RFNG: variants seen among roughly 807,000 people sequenced by gnomAD.
The protein encoded by RFNG is beta-1,3-N-acetylglucosaminyltransferase radical fringe.
RFNG carries 37 observed loss-of-function variants against 29.6 expected under a neutral mutation model. That is an observed-to-expected ratio of 1.25 (90% CI 0.96 to 1.65). The LOEUF (loss-of-function observed/expected upper bound fraction) is 1.65, where lower values mean the gene tolerates loss of function less well. RFNG is among the 40% of genes most tolerant of loss of function. RFNG has a pLI of 0.00. For missense variants in RFNG, 546 were observed against 457.0 expected (o/e 1.19, Z -1.78); for synonymous variants, 276 against 197.3 (o/e 1.40, Z -3.34).
At position 82,049,345 on chromosome 17, in the gene RFNG, T is replaced by C. The variant is rs1223720341; in HGVS notation, c.829-229A>G. On this transcript the variant is annotated intron_variant, in intron 6 of 7. Transcript: ENST00000310496. ...GGATCTGAAACCTCCAGGGCAAAGCTGACCCTCATTCCCTCCCTGCTCCAC... is the reference window on the plus strand; with the variant it reads ...GGATCTGAAACCTCCAGGGCAAAGCCGACCCTCATTCCCTCCCTGCTCCAC... The C allele has an allele frequency of 7.1e-6, 5 of 699,558 alleles. No homozygotes were observed. The East Asian group carries it at 8.1e-5, about 11-fold the overall frequency. 43.3% of individuals were successfully genotyped at this position (699,558 alleles called of 1,614,324 possible). A position where few individuals can be genotyped will look rare whatever the true frequency, so the allele number is the denominator to read the frequency against.
chr17:82,050,692 T>C lies in RFNG; in HGVS notation c.389A>G (p.Glu130Gly), dbSNP rs750770009. 9.3e-6 allele frequency: 15 copies of C among 1,613,120 alleles called. No individual in the cohort carries two copies. In the South Asian group the frequency reaches 1.4e-4, roughly 15 times the overall value. ...CCCGGACTCAATGAACTTGTCATAC[T>C]CCACGGACATCTTGCAGCAGAGGGC... ...RQALCCKMSV[E>G]YDKFIESGRK... is the part of the protein sequence containing the mutation. The change falls in exon 3 of 8, where the codon GAG becomes GGG. Residue 130 changes from glutamate to glycine, a missense_variant. Glu to Gly is a moderately conservative substitution (Grantham distance 98). Coordinates refer to ENST00000310496, the MANE Select transcript of RFNG (RefSeq NM_002917.2).
intron 5 of RFNG, 34 bp downstream of exon 5, chr17:82,049,884 G>A (rs746006503): frequency 1.3e-5 from 21 of 1,611,002 alleles, no homozygotes; most frequent in African/African-American, 6.7e-5. Flanking sequence ...CTCAGCCTCC[G>A]CCTCCCAGCC....
Position 82,048,712 on chromosome 17 carries a change from C to A in RFNG, c.*14G>T. The A allele has an allele frequency of 1.2e-6, 2 of 1,609,088 alleles. No individual in the cohort carries two copies. The highest frequency in any genetic ancestry group is 2.2e-5 in the South Asian group (2 of 91,000). The stretch of plus-strand genomic sequence containing the variant: ...GGGACAGAGCCAGGCAGCCCTGGGT[C>A]GGGGTGGTTGGTGTCACCGAGAGGT... On this transcript the variant is annotated 3_prime_UTR_variant, in exon 8 of 8. Coordinates refer to ENST00000310496, the MANE Select transcript of RFNG (RefSeq NM_002917.2).
intron 6 of RFNG, chr17:82,049,362 C>T (rs1262360636): frequency 1.1e-5 from 8 of 698,752 alleles, no homozygotes; most frequent in African/African-American, 3.5e-5. Flanking sequence ...CATTCCCTCC[C>T]TGCTCCACGT....
intron 4 of RFNG, 178 bp downstream of exon 4, chr17:82,050,224 G>A (rs1484954654): frequency 2.4e-6 from 2 of 841,310 alleles, no homozygotes; most frequent in African/African-American, 1.7e-5. Flanking sequence ...TCTCTGCCCA[G>A]TACGGTGAGG....
chr17:82,048,339 G>A lies in RFNG; in HGVS notation c.*387C>T. 3.7e-6 allele frequency: 1 copy of A among 268,698 alleles called. No individual in the cohort carries two copies. Among genetic ancestry groups the A allele is most frequent in the Non-Finnish European group, 7.4e-6 (1 of 135,936 alleles). 16.6% of individuals were successfully genotyped at this position (268,698 alleles called of 1,614,324 possible). ...TGGCCGTGGCTGGGCCAGGACCTTGGCCTGGAGCCTGCTCCTTGACACCCA... is the reference window on the plus strand; with the variant it reads ...TGGCCGTGGCTGGGCCAGGACCTTGACCTGGAGCCTGCTCCTTGACACCCA... On this transcript the variant is annotated 3_prime_UTR_variant, in exon 8 of 8. Coordinates refer to ENST00000310496, the MANE Select transcript of RFNG (RefSeq NM_002917.2).
chr17:82,049,395 C>G (rs2144195461), intron 6 of RFNG: 1 of 699,204 alleles, frequency 1.4e-6, no homozygotes, highest in Non-Finnish European at 2.6e-6. Flanking sequence ...TCCGACTCAC[C>G]ATCACCATAC....
chr17:82,049,078 G>T lies in RFNG; in HGVS notation c.867C>A (p.Asn289Lys). 1.2e-6 allele frequency: 2 copies of T among 1,613,568 alleles called. No homozygotes were observed. Among genetic ancestry groups the T allele is most frequent in the South Asian group, 2.2e-5 (2 of 91,088 alleles). The change falls in exon 7 of 8, where the codon AAC becomes AAA. Residue 289 changes from asparagine to lysine, a missense_variant. By Grantham distance (94) the Asn-to-Lys change is moderately conservative. Transcript: ENST00000310496. The part of the protein sequence containing the change: ...LSHGGPENPH[N>K]VVNVAGGFSL... ...TGAAGCCTCCAGCCACGTTCACCAC[G>T]TTATGTGGGTTCTCAGGACCCCCAT...
At position 82,050,645 on chromosome 17, in the gene RFNG, G is replaced by A. The variant is rs771415010; in HGVS notation, c.419+17C>T. On this transcript the variant is annotated intron_variant, in intron 3 of 7. Coordinates refer to ENST00000310496, the MANE Select transcript of RFNG (RefSeq NM_002917.2). ...CTTGGCTCTGAGCTCTCTGCGGGTC[G>A]GGTCAGCGCCGCGTACTTGCGCCCG... 11 of 1,611,928 alleles carry A rather than the reference G, an allele frequency of 6.8e-6. No homozygotes were observed. In the African/African-American group the frequency reaches 1.1e-4, roughly 16 times the overall value.
At position 82,051,015 on chromosome 17, in the gene RFNG, G is replaced by A. The variant is rs866994883; in HGVS notation, c.317-251C>T. 2.5e-5 allele frequency: 35 copies of A among 1,403,892 alleles called. No individual in the cohort carries two copies. The African/African-American group carries it at 4.8e-4, about 19-fold the overall frequency. The allele number at this position is 1,403,892 out of a possible 1,614,324, so 87.0% of individuals were successfully genotyped here. A position where few individuals can be genotyped will look rare whatever the true frequency, so the allele number is the denominator to read the frequency against. On this transcript the variant is annotated intron_variant, in intron 2 of 7. Coordinates refer to ENST00000310496, the MANE Select transcript of RFNG (RefSeq NM_002917.2). This position sits in a 1 kb window ranked among gnomAD's most constrained non-coding sequence, Gnocchi z 4.1. ...GACGGAGGCAGCTCGCCCTGACCTGGCCTGGAAGGGCGGATTCCCTGCTGG... is the reference window on the plus strand; with the variant it reads ...GACGGAGGCAGCTCGCCCTGACCTGACCTGGAAGGGCGGATTCCCTGCTGG...
rs767226162 is a variant in RFNG, at chr17:82,049,946, G to A, written c.634C>T (p.Leu212Phe). Residue 212 changes from leucine (L) to phenylalanine (F), a missense_variant, in exon 5 of 8, where the codon CTT (leucine) becomes TTT (phenylalanine). Leu to Phe is a conservative substitution (Grantham distance 22). Transcript: ENST00000310496. ...GGAGFCLSRG[L>F]ALKMSPWASL... ...GCCCATGGGCTCATCTTGAGGGCAA[G>A]GCCTCTGCTGAGGCAGAACCCGGCC... The A allele has an allele frequency of 2.5e-6, 4 of 1,612,544 alleles. No individual in the cohort carries two copies. The highest frequency in any genetic ancestry group is 1.7e-5 in the Admixed American group (1 of 59,990).
chr17:82,049,517 T>C (rs757899531), intron 6 of RFNG, 160 bp downstream of exon 6: 278 of 833,178 alleles, frequency 3.3e-4, no homozygotes, highest in Non-Finnish European at 4.5e-4. Context: ...GAGGACCCTG[T>C]GTCCAACAGG....
In RFNG at chr17:82,051,074, C is replaced by A. The variant is rs2030477984; in HGVS notation, c.316+220G>T. On this transcript the variant is annotated intron_variant, in intron 2 of 7. Transcript: ENST00000310496. The surrounding 1 kb of genome is among the most constrained non-coding windows in gnomAD (Gnocchi z 4.1). ...CAGGGGACGTGGCACTAGCCCCACG[C>A]CCCGGGAAGCGGCTAGTGTGAGAGG... The A allele has an allele frequency of 1.5e-6, 2 of 1,369,312 alleles. No homozygotes were observed. The highest frequency in any genetic ancestry group is 2.7e-4 in the Middle Eastern group (1 of 3,696). 84.8% of individuals were successfully genotyped at this position (1,369,312 alleles called of 1,614,324 possible).
rs572483367 is a variant in RFNG at position 82,049,770 on chromosome 17, C to T, written c.735G>A (p.Glu245=). 19 of 1,526,880 alleles carry T rather than the reference C, an allele frequency of 1.2e-5. No individual in the cohort carries two copies. The South Asian group carries it at 2.2e-4, about 18-fold the overall frequency. 94.6% of individuals were successfully genotyped at this position (1,526,880 alleles called of 1,614,324 possible). Residue 245 remains glutamate (E), a synonymous_variant, in exon 6 of 8, where the codon GAG becomes GAA. Transcript: ENST00000310496. ...PDDCTVGYIV[E]GLLGARLLHS... is the part of the protein sequence containing the mutation. ...GCAGCAGGCGGGCGCCCAGGAGCCCCTCCACGATGTAGCCAACTGTGCAGT... is the reference window on the plus strand; with the variant it reads ...GCAGCAGGCGGGCGCCCAGGAGCCCTTCCACGATGTAGCCAACTGTGCAGT...
In RFNG at chr17:82,051,600, C is replaced by G. The variant is rs1209371800; in HGVS notation, c.167G>C (p.Arg56Pro). 6.3e-6 allele frequency: 8 copies of G among 1,276,794 alleles called. No individual in the cohort carries two copies. Among genetic ancestry groups the G allele is most frequent in the Non-Finnish European group, 7.9e-6 (8 of 1,009,994 alleles). The allele number at this position is 1,276,794 out of a possible 1,614,324, so 79.1% of individuals were successfully genotyped here. A position where few individuals can be genotyped will look rare whatever the true frequency, so the allele number is the denominator to read the frequency against. Residue 56 changes from arginine (R) to proline (P), a missense_variant, in exon 1 of 8, where the codon CGG (arginine) becomes CCG (proline). By Grantham distance (103) the Arg-to-Pro change is moderately radical (BLOSUM62 -2). Transcript: ENST00000310496. The surrounding 1 kb of genome is among the most constrained non-coding windows in gnomAD (Gnocchi z 4.1). Reference protein sequence around the residue: ...PPSRPAAPSLRPDDVFIAVKT... With the variant: ...PPSRPAAPSLPPDDVFIAVKT... ...GACGGCGATGAAGACGTCGTCAGGC[C>G]GCAGGCTGGGGGCAGCGGGCCGGGA...
chr17:82,051,250 C>A lies in RFNG; in HGVS notation c.316+44G>T. The A allele has an allele frequency of 1.5e-6, 2 of 1,334,444 alleles. No homozygotes were observed. The highest frequency in any genetic ancestry group is 1.9e-6 in the Non-Finnish European group (2 of 1,039,090). The allele number at this position is 1,334,444 out of a possible 1,614,324, so 82.7% of individuals were successfully genotyped here. ...CCGTGGCTTCGGAGCGAGAAAGGCT[C>A]GGGGGGCAGATCCCGCGGGCGCCGG... On this transcript the variant is annotated intron_variant, in intron 2 of 7. Coordinates refer to ENST00000310496, the MANE Select transcript of RFNG (RefSeq NM_002917.2). This position sits in a 1 kb window ranked among gnomAD's most constrained non-coding sequence, Gnocchi z 4.1.
Position 82,051,125 on chromosome 17 carries a change from C to G in RFNG, c.316+169G>C. On this transcript the variant is annotated intron_variant, in intron 2 of 7. Transcript: ENST00000310496. This position sits in a 1 kb window ranked among gnomAD's most constrained non-coding sequence, Gnocchi z 4.1. ...CTGGTGGGGAGCAGAGCTTGGCTGG[C>G]AGGGTGGGCCCTCCGCAGGCCGCGT... 1 of 1,328,396 alleles carries G rather than the reference C, an allele frequency of 7.5e-7. No homozygotes were observed. The highest frequency in any genetic ancestry group is 9.6e-7 in the Non-Finnish European group (1 of 1,043,562). The allele number at this position is 1,328,396 out of a possible 1,614,324, so 82.3% of individuals were successfully genotyped here. A position where few individuals can be genotyped will look rare whatever the true frequency, so the allele number is the denominator to read the frequency against.
rs759629282 is a variant in RFNG, at chr17:82,050,023, G to A, written c.574-17C>T. 11 of 1,588,360 alleles carry A rather than the reference G, an allele frequency of 6.9e-6. No homozygotes were observed. The highest frequency in any genetic ancestry group is 5.6e-5 in the South Asian group (5 of 88,804). ...CGTGGTCACCTGAAGATGGGGTGGT[G>A]GTCAGAGCTGCCCAGGACAGGGCTT... is the stretch of plus-strand genomic sequence containing the variant. On this transcript the variant is annotated splice_polypyrimidine_tract_variant and intron_variant, in intron 4 of 7. Coordinates refer to ENST00000310496, the MANE Select transcript of RFNG (RefSeq NM_002917.2).
chr17:82,049,068 C>G lies in RFNG; in HGVS notation c.877G>C (p.Val293Leu), dbSNP rs377490634. ...TGATGCAGGCTGAAGCCTCCAGCCACGTTCACCACGTTATGTGGGTTCTCA... is the reference window on the plus strand; with the variant it reads ...TGATGCAGGCTGAAGCCTCCAGCCAGGTTCACCACGTTATGTGGGTTCTCA... ...GPENPHNVVN[V>L]AGGFSLHQDP... is the part of the protein sequence containing the mutation. The change falls in exon 7 of 8, where the codon GTG becomes CTG. Residue 293 changes from valine to leucine, a missense_variant. Transcript: ENST00000310496. 1.2e-6 allele frequency: 2 copies of G among 1,613,598 alleles called. No individual in the cohort carries two copies. The highest frequency in any genetic ancestry group is 3.3e-5 in the Admixed American group (2 of 60,016).
Sources: gnomAD v4.1 joint callset for allele counts on GRCh38, gnomAD v4.1.1 for gene constraint, Gnocchi (gnomAD v3.1) non-coding constraint, MANE v1.5 for transcripts, NCBI Gene and HGNC (gene_info 2026-07-23, HGNC 2026-07-21) for gene names.